NDUFA5: variants seen among roughly 807,000 people sequenced by gnomAD.
NDUFA5 encodes the protein NADH:ubiquinone oxidoreductase subunit A5.
NDUFA5 carries 11 observed loss-of-function variants against 19.8 expected under a neutral mutation model. The observed-to-expected ratio is 0.56, with a 90% CI of 0.35 to 0.92. The LOEUF is 0.92. NDUFA5 is among the 40% of genes least tolerant of loss of function. NDUFA5 has a pLI of 0.01. For missense variants in NDUFA5, 109 were observed against 134.2 expected, an observed-to-expected ratio of 0.81 and a Z score of 0.93; for synonymous variants, 47 against 46.8, an observed-to-expected ratio of 1.00 and a Z score of -0.01.
the NDUFA5 span, among the ~76,000 whole-genome samples, chr7:123,571,515 GA>G: frequency 6.6e-6 from 1 of 152,096 alleles, no homozygotes; most frequent in South Asian, 2.1e-4. Context: ...TAGAAAATAT[GA>G]TTTTTAATCC....
At chr7:123,551,824 CAT>C (rs778890818) in intron 2 of NDUFA5, among the ~76,000 whole-genome samples, 4 of 152,048 alleles carry the variant, frequency 2.6e-5, no homozygotes, top group African/African-American at 4.8e-5. Context: ...ATATATAATG[CAT>C]ATATTAGTTT....
the NDUFA5 span, among the ~76,000 whole-genome samples, chr7:123,593,192 T>C: frequency 6.6e-6 from 1 of 152,192 alleles, no homozygotes; most frequent in Non-Finnish European, 1.5e-5. Context: ...GTCTCCTGAA[T>C]ATAGCACACA....
chr7:123,597,194 T>C, the NDUFA5 span, among the ~76,000 whole-genome samples: 1 of 152,212 alleles, frequency 6.6e-6, no homozygotes, highest in Non-Finnish European at 1.5e-5. Context: ...TGCTCTGTTC[T>C]GCTTAGAACA....
At chr7:123,570,385 A>G in the NDUFA5 span, among the ~76,000 whole-genome samples, 1 of 151,910 alleles carries the variant, frequency 6.6e-6, no homozygotes, top group African/African-American at 2.4e-5. Flanking sequence ...TTTTGACTAT[A>G]TCACCCACCC....
chr7:123,573,660 T>C, the NDUFA5 span, among the ~76,000 whole-genome samples: 1 of 152,138 alleles, frequency 6.6e-6, no homozygotes, highest in Admixed American at 6.5e-5. Flanking sequence ...GGGAGTCTGA[T>C]TCCAGTCTTA....
At chr7:123,593,157 A>G in the NDUFA5 span, among the ~76,000 whole-genome samples, 1 of 152,062 alleles carries the variant, frequency 6.6e-6, no homozygotes, top group Middle Eastern at 3.4e-3. Flanking sequence ...TTTTGAGCCT[A>G]TGTGTGTCTT....
chr7:123,594,536 C>G, the NDUFA5 span, among the ~76,000 whole-genome samples: 1 of 152,136 alleles, frequency 6.6e-6, no homozygotes, highest in Non-Finnish European at 1.5e-5. Context: ...AACAGACAGG[C>G]CCCTCAGCTG....
intron 3 of NDUFA5, among the ~76,000 whole-genome samples, chr7:123,549,911 T>C (rs903447946): frequency 6.6e-6 from 1 of 152,256 alleles, no homozygotes. Flanking sequence ...GGATCACTTA[T>C]GCATGTATAT....
In NDUFA5 at chr7:123,542,112, TTAA is replaced by T. The variant is rs774053337; in HGVS notation, c.*4_*6del. The T allele has an allele frequency of 1.3e-6, 2 of 1,599,308 alleles. No homozygotes were observed. The highest frequency in any genetic ancestry group is 8.5e-7 in the Non-Finnish European group (1 of 1,171,036). On this transcript the variant is annotated 3_prime_UTR_variant, in exon 5 of 5. Transcript: ENST00000355749. Reference sequence around the variant, plus strand: ...TTTCCCATGAACACACCAAAGTCACTTAATAATTATATTGGCCATTTCCACTGA... The same window carrying T: ...TTTCCCATGAACACACCAAAGTCACTTAATTATATTGGCCATTTCCACTGA...
At chr7:123,550,829 T>C (rs1379142855) in intron 2 of NDUFA5, among the ~76,000 whole-genome samples, 1 of 152,204 alleles carries the variant, frequency 6.6e-6, no homozygotes, top group Non-Finnish European at 1.5e-5. Context: ...GTATAACAAG[T>C]TCTAGATAAG....
At chr7:123,578,795 A>T in the NDUFA5 span, among the ~76,000 whole-genome samples, 8 of 152,140 alleles carry the variant, frequency 5.3e-5, no homozygotes, top group African/African-American at 1.9e-4. Context: ...CTATCTTTAA[A>T]CTATTTTATA....
At chr7:123,574,853 T>C in the NDUFA5 span, among the ~76,000 whole-genome samples, 1 of 152,244 alleles carries the variant, frequency 6.6e-6, no homozygotes, top group Non-Finnish European at 1.5e-5. Context: ...AAAGTACTCT[T>C]TTTATTTTTT....
the NDUFA5 span, among the ~76,000 whole-genome samples, chr7:123,581,040 C>T: frequency 3.3e-5 from 5 of 151,964 alleles, no homozygotes; most frequent in South Asian, 8.3e-4. Flanking sequence ...TGCTGGCTTT[C>T]TTCAGCTTGT....
At chr7:123,575,360 A>C in the NDUFA5 span, among the ~76,000 whole-genome samples, 2 of 152,058 alleles carry the variant, frequency 1.3e-5, no homozygotes, top group African/African-American at 4.8e-5. Context: ...TATGTTAAAT[A>C]TGTTCATACC....
chr7:123,601,203 T>C, the NDUFA5 span, among the ~76,000 whole-genome samples: 1 of 152,178 alleles, frequency 6.6e-6, no homozygotes, highest in African/African-American at 2.4e-5. Flanking sequence ...ATTGGTTTTT[T>C]AAAAGAAAAC....
chr7:123,598,681 G>T, the NDUFA5 span: 1 of 152,156 alleles, frequency 6.6e-6, no homozygotes, highest in Non-Finnish European at 1.5e-5. Context: ...TAGACAAAGT[G>T]AACTTTGAAA....
chr7:123,537,774 T>G lies in NDUFA5; in HGVS notation c.*4345A>C, dbSNP rs932608643. 1 of 151,818 alleles carries G rather than the reference T, an allele frequency of 6.6e-6. No homozygotes were observed. Among genetic ancestry groups the G allele is most frequent in the Non-Finnish European group, 1.5e-5 (1 of 67,982 alleles). The allele number at this position is 151,818 out of a possible 1,614,324, so 9.4% of individuals were successfully genotyped here. The stretch of plus-strand genomic sequence containing the variant: ...GGACTTTGGACCTGTTTTACTCTGG[T>G]GAAAAATAATTCACCCTCCAGTTAT... On this transcript the variant is annotated 3_prime_UTR_variant, in exon 5 of 5. Transcript: ENST00000355749.
At chr7:123,579,430 T>C in the NDUFA5 span, among the ~76,000 whole-genome samples, 1 of 152,138 alleles carries the variant, frequency 6.6e-6, no homozygotes, top group Non-Finnish European at 1.5e-5. Context: ...AATAGTTATA[T>C]GTTTGTTCTA....
At chr7:123,551,106 C>T (rs1031452303) in intron 2 of NDUFA5, among the ~76,000 whole-genome samples, 3 of 151,644 alleles carry the variant, frequency 2.0e-5, no homozygotes, top group South Asian at 2.1e-4. Flanking sequence ...TTGGTAGAGA[C>T]GGGGTTTTGC....
Sources: gnomAD v4.1 joint callset for allele counts (sites outside exome capture counted in the v4.1 genomes callset) on GRCh38, gnomAD v4.1.1 for gene constraint, MANE v1.5 for transcripts, NCBI Gene and HGNC (gene_info 2026-07-23, HGNC 2026-07-21) for gene names.